TAB3: variants seen among roughly 807,000 people sequenced by gnomAD.
TAB3 encodes the protein TGF-beta activated kinase 1 (MAP3K7) binding protein 3, also known as TGF-beta-activated kinase 1 and MAP3K7-binding protein 3.
In TAB3, 18 loss-of-function variants were observed where a neutral mutation model predicts 48.1. The observed-to-expected ratio is 0.37, with a 90% CI of 0.26 to 0.55. The LOEUF (loss-of-function observed/expected upper bound fraction) is 0.55, where lower values mean the gene tolerates loss of function less well. TAB3 is among the 20% of genes least tolerant of loss of function. TAB3 has a pLI of 0.78. For synonymous variants in TAB3, 185 were observed against 190.2 expected, an observed-to-expected ratio of 0.97 and a Z score of 0.22; for missense variants, 414 against 549.8, an observed-to-expected ratio of 0.75 and a Z score of 2.47.
At chrX:30,873,103 T>A (rs890124056) in intron 1 of TAB3, among the ~76,000 whole-genome samples, 1 of 111,782 alleles carries the variant, frequency 8.9e-6, no homozygotes, top group Non-Finnish European at 1.9e-5. Context: ...GTAGATCCTG[T>A]TGCAAACAAA....
intron 9 of TAB3, chrX:30,835,938 G>GTTTTTTCTTTTTT (rs1210825885): frequency 8.9e-6 from 1 of 111,974 alleles, no homozygotes; most frequent in African/African-American, 3.2e-5. Flanking sequence ...TGTTTTACTG[G>GTTTTTTCTTTTTT]TTTATCTTTT....
chrX:30,873,966 G>C (rs1601840067), intron 1 of TAB3, among the ~76,000 whole-genome samples: 1 of 110,846 alleles, frequency 9.0e-6, no homozygotes, highest in South Asian at 3.8e-4. Context: ...TTGATCCCAG[G>C]AGTTCAAGAC....
intron 4 of TAB3, among the ~76,000 whole-genome samples, chrX:30,863,250 A>G (rs1271983284): frequency 1.8e-5 from 2 of 112,564 alleles, no homozygotes; most frequent in Non-Finnish European, 3.8e-5. Flanking sequence ...ATCATTTAGT[A>G]TTTCACAGTA....
At chrX:30,849,590 C>T (rs1008989524) in intron 7 of TAB3, among the ~76,000 whole-genome samples, 2 of 112,511 alleles carry the variant, frequency 1.8e-5, no homozygotes, top group Non-Finnish European at 3.7e-5. Flanking sequence ...ATTACATACA[C>T]TGTCTCTTTA....
chrX:30,843,803 T>C lies in TAB3; in HGVS notation c.1805-754A>G, dbSNP rs754366995. On this transcript the variant is annotated intron_variant, in intron 8 of 10. Transcript: ENST00000288422. Reference sequence around the variant, plus strand: ...GTGTCTGTATTTCAGCCACATCTCCTGCTGTGTCTCCTCCAAGGTTGGTTT... The same window carrying C: ...GTGTCTGTATTTCAGCCACATCTCCCGCTGTGTCTCCTCCAAGGTTGGTTT... The C allele has an allele frequency of 5.4e-5, 6 of 111,820 alleles. No individual in the cohort carries two copies. The East Asian group carries it at 1.7e-3, about 31-fold the overall frequency. The allele number at this position is 111,820 out of a possible 1,213,427, so 9.2% of individuals were successfully genotyped here. A position where few individuals can be genotyped will look rare whatever the true frequency, so the allele number is the denominator to read the frequency against.
At chrX:30,841,462 G>A (rs1260001152) in intron 9 of TAB3, among the ~76,000 whole-genome samples, 3 of 108,671 alleles carry the variant, frequency 2.8e-5, no homozygotes, top group Non-Finnish European at 3.8e-5. Flanking sequence ...TAGATCAGAT[G>A]AAACATCGAT....
At chrX:30,832,461 G>A (rs1379859533) in intron 10 of TAB3, among the ~76,000 whole-genome samples, 1 of 111,733 alleles carries the variant, frequency 8.9e-6, no homozygotes, top group East Asian at 2.8e-4. Flanking sequence ...TGGAATCTGG[G>A]GTAACTGGAA....
rs766866675 is a variant in TAB3, at chrX:30,831,587, TAGG to T, written c.1991-15_1991-13del. ...GCCAGTTCGATGCTCTGAGGGAGGT[TAGG>T]ATTAAGGGGGAGGGGGAAGGTAAAT... On this transcript the variant is annotated splice_polypyrimidine_tract_variant and intron_variant, in intron 10 of 10. Transcript: ENST00000288422. 9.3e-5 allele frequency: 112 copies of T among 1,206,250 alleles called. No individual in the cohort carries two copies. Among genetic ancestry groups the T allele is most frequent in the South Asian group, 3.6e-4 (20 of 55,901 alleles).
At chrX:30,860,521 A>C (rs1378531723) in intron 4 of TAB3, among the ~76,000 whole-genome samples, 2 of 112,098 alleles carry the variant, frequency 1.8e-5, no homozygotes, top group East Asian at 5.6e-4. Context: ...ACACCATGAG[A>C]AAAACACATC....
chrX:30,869,360 TTTTG>T (rs769871245), intron 2 of TAB3, among the ~76,000 whole-genome samples: 175 of 111,893 alleles, frequency 1.6e-3, no homozygotes, highest in African/African-American at 4.5e-3. Flanking sequence ...GCGCCCAGCC[TTTTG>T]TTTGTTTTTT....
chrX:30,868,619 C>CGA (rs1477511631), intron 2 of TAB3, among the ~76,000 whole-genome samples: 1 of 28,623 alleles, frequency 3.5e-5, no homozygotes, highest in Non-Finnish European at 5.5e-5. Context: ...AGAGAGAGAG[C>CGA]GCGTGGGGGG....
intron 9 of TAB3, among the ~76,000 whole-genome samples, chrX:30,841,884 C>G (rs1330239458): frequency 1.8e-5 from 2 of 112,226 alleles, no homozygotes; most frequent in South Asian, 7.4e-4. Flanking sequence ...TCTCGGCTCA[C>G]TGCAACCTCC....
intron 9 of TAB3, among the ~76,000 whole-genome samples, chrX:30,837,246 AC>A (rs1480135062): frequency 1.8e-5 from 2 of 108,849 alleles, no homozygotes; most frequent in Non-Finnish European, 3.8e-5. Context: ...ACGGAGTTTC[AC>A]CCTGTTGGAC....
At chrX:30,866,118 ATATAC>A (rs759474878) in intron 4 of TAB3, among the ~76,000 whole-genome samples, 4 of 111,742 alleles carry the variant, frequency 3.6e-5, no homozygotes, top group East Asian at 5.6e-4. Context: ...GTCTCAAGAG[ATATAC>A]TATGAGACTG....
chrX:30,873,947 G>A (rs1460371256), intron 1 of TAB3, among the ~76,000 whole-genome samples: 5 of 111,388 alleles, frequency 4.5e-5, no homozygotes, highest in Non-Finnish European at 7.5e-5. Flanking sequence ...GGCAAGGCGG[G>A]AGGATCCCTT....
rs1223730766 is a variant in TAB3 at position 30,868,538 on chromosome X, TTATATATATATA to T, written c.-279-1001_-279-990del. Among the ~76,000 whole-genome samples the T allele has an allele frequency of 2.7e-3, 6 of 2,235 alleles. 2 individuals carry two copies. Among genetic ancestry groups the T allele is most frequent in the African/African-American group, 0.015 (5 of 339 alleles). The allele number at this position is 2,235 out of a possible 115,157, so 1.9% of individuals were successfully genotyped here. On this transcript the variant is annotated intron_variant, in intron 2 of 10. Transcript: ENST00000288422. ...TAGCTTATATATATATATATATAGC[TTATATATATATA>T]TATATATATATATAGCTTATATATA...
intron 8 of TAB3, 169 bp from the exon 9 acceptor site, chrX:30,843,218 G>A (rs2147339869): frequency 5.1e-6 from 2 of 389,477 alleles, no homozygotes; most frequent in South Asian, 4.8e-5. Flanking sequence ...TGTTTTCATC[G>A]CTGTGAGAAA....
chrX:30,865,027 C>T (rs912259296), intron 4 of TAB3, among the ~76,000 whole-genome samples: 2 of 111,463 alleles, frequency 1.8e-5, no homozygotes, highest in Non-Finnish European at 3.8e-5. Context: ...ATCTAGATAC[C>T]TGCTGGGTTT....
At chrX:30,850,610 G>A (rs986300323) in intron 7 of TAB3, among the ~76,000 whole-genome samples, 3 of 108,562 alleles carry the variant, frequency 2.8e-5, no homozygotes, top group African/African-American at 1.0e-4. Context: ...TACTCGGGAG[G>A]CTGAGGCAGG....
Sources: allele counts gnomAD v4.1 joint callset (sites outside exome capture counted in the v4.1 genomes callset), GRCh38; gene constraint gnomAD v4.1.1; transcripts MANE v1.5; gene names NCBI Gene and HGNC (gene_info 2026-07-23, HGNC 2026-07-21).